Variants in ZNF665 observed in about 807,000 individuals in gnomAD.
The protein encoded by ZNF665 is zinc finger protein 665.
In ZNF665, 6 loss-of-function variants were observed where a neutral mutation model predicts 7.9. That is an observed-to-expected ratio of 0.76 (90% CI 0.42 to 1.50). The LOEUF (loss-of-function observed/expected upper bound fraction) is 1.50. ZNF665 is among the 40% of genes most tolerant of loss of function. The probability of loss-of-function intolerance (pLI) is 0.01; values close to 1 mark genes in which losing one functional copy is unlikely to be tolerated. For missense variants in ZNF665, 819 were observed against 806.7 expected, an observed-to-expected ratio of 1.02 and a Z score of -0.18; for synonymous variants, 242 against 274.5, an observed-to-expected ratio of 0.88 and a Z score of 1.17.
chr19:53,174,785 A>G (rs1458352675), intron 3 of ZNF665, among the ~76,000 whole-genome samples: 1 of 151,944 alleles, frequency 6.6e-6, no homozygotes, highest in Non-Finnish European at 1.5e-5. Context: ...TTAAAAATAC[A>G]AAAATTAGCT....
At position 53,184,481 on chromosome 19, in the gene ZNF665, G is replaced by A. The variant is rs2090761923; in HGVS notation, c.-45-1538C>T. Among the ~76,000 whole-genome samples, 3 of 152,126 alleles carry A rather than the reference G, an allele frequency of 2.0e-5. No individual in the cohort carries two copies. In the South Asian group the frequency reaches 6.2e-4, roughly 32 times the overall value. ...ACCCTTTTGGACATACGAAGGTGGA[G>A]ATGCCTGTTCCACCTCCCAGCAGAG... On this transcript the variant is annotated intron_variant, in intron 1 of 3. Coordinates refer to ENST00000396424, the MANE Select transcript of ZNF665 (RefSeq NM_024733.5).
intron 2 of ZNF665, chr19:53,179,714 C>T (rs2090724495): frequency 6.6e-6 from 1 of 152,118 alleles, no homozygotes; most frequent in Non-Finnish European, 1.5e-5. Context: ...AAATCCAACC[C>T]AAAGAAGGGT....
intron 1 of ZNF665, among the ~76,000 whole-genome samples, chr19:53,189,931 T>C (rs915398626): frequency 6.6e-6 from 1 of 152,136 alleles, no homozygotes; most frequent in Non-Finnish European, 1.5e-5. Context: ...TGTCCGGGCA[T>C]AACAGAAGGC....
At chr19:53,181,498 G>A (rs569570160) in intron 2 of ZNF665, 1 of 151,924 alleles carries the variant, frequency 6.6e-6, no homozygotes, top group African/African-American at 2.4e-5. Context: ...CCTGAGCTGA[G>A]ACCAAGAAAA....
chr19:53,165,558 A>G lies in ZNF665; in HGVS notation c.932T>C (p.Ile311Thr). The G allele has an allele frequency of 1.9e-6, 3 of 1,614,128 alleles. No individual in the cohort carries two copies. The highest frequency in any genetic ancestry group is 2.5e-6 in the Non-Finnish European group (3 of 1,180,022). ...CTTGTAAGGCTTCTCCCCAGTATGA[A>G]TTCTTCGATGACTTGCAAGGTGTGA... ...QNSHLASHRRIHTGEKPYKCN... is the reference protein window; with the variant it reads ...QNSHLASHRRTHTGEKPYKCN... Residue 311 changes from isoleucine to threonine, a missense_variant, in exon 4 of 4, where the codon ATT becomes ACT. Coordinates refer to ENST00000396424, the MANE Select transcript of ZNF665 (RefSeq NM_024733.5).
At chr19:53,182,280 AG>A (rs1230732136) in intron 2 of ZNF665, 6 of 175,480 alleles carry the variant, frequency 3.4e-5, no homozygotes, top group Non-Finnish European at 4.9e-5. Context: ...CCATGGCCAG[AG>A]AATCACTTGA....
intron 1 of ZNF665, 21 bp from the exon 2 acceptor site, chr19:53,182,964 C>T (rs2090749507): frequency 6.3e-7 from 1 of 1,591,652 alleles, no homozygotes; most frequent in Non-Finnish European, 8.6e-7. Flanking sequence ...ATGAAAGAGA[C>T]TTTAGAATTC....
In ZNF665 at chr19:53,163,862, T is replaced by C. The variant is rs1443321076; in HGVS notation, c.*591A>G. 1 of 152,210 alleles carries C rather than the reference T, an allele frequency of 6.6e-6. No individual in the cohort carries two copies. The highest frequency in any genetic ancestry group is 1.5e-5 in the Non-Finnish European group (1 of 68,076). The allele number at this position is 152,210 out of a possible 1,614,324, so 9.4% of individuals were successfully genotyped here. A position where few individuals can be genotyped will look rare whatever the true frequency, so the allele number is the denominator to read the frequency against. On this transcript the variant is annotated 3_prime_UTR_variant, in exon 4 of 4. Transcript: ENST00000396424. ...TATGAATCCTCACCTACAGTTGTGG[T>C]CCAGGAGTAATAGTCTCAGCATGCA... is the stretch of plus-strand genomic sequence containing the variant.
intron 3 of ZNF665, among the ~76,000 whole-genome samples, chr19:53,168,963 C>G (rs959528132): frequency 6.6e-6 from 1 of 151,928 alleles, no homozygotes; most frequent in East Asian, 1.9e-4. Flanking sequence ...AGATGAAAAC[C>G]TAATGTAAAA....
At chr19:53,176,006 C>G (rs1474708133) in intron 2 of ZNF665, among the ~76,000 whole-genome samples, 4 of 151,974 alleles carry the variant, frequency 2.6e-5, no homozygotes, top group Non-Finnish European at 5.9e-5. Flanking sequence ...ACTAAAAATA[C>G]AAAAATTAGC....
intron 2 of ZNF665, 182 bp downstream of exon 2, chr19:53,182,702 C>A: frequency 8.3e-7 from 1 of 1,198,260 alleles, no homozygotes; most frequent in African/African-American, 1.5e-5. Flanking sequence ...TTCCCAAGTT[C>A]ATGTCACTGG....
rs146358979 is a variant in ZNF665, at chr19:53,192,210, C to T, written c.-46+1102G>A. Reference sequence around the variant, plus strand: ...TCCATCTATTTCTGCCTCTTTCTTCCCTTATCTCTGCTCTCCCTGTTAAAT... The same window carrying T: ...TCCATCTATTTCTGCCTCTTTCTTCTCTTATCTCTGCTCTCCCTGTTAAAT... On this transcript the variant is annotated intron_variant, in intron 1 of 3. Transcript: ENST00000396424. Among the ~76,000 whole-genome samples, 755 of 152,150 alleles carry T rather than the reference C, an allele frequency of 5.0e-3. 14 individuals carry two copies. The highest frequency in any genetic ancestry group is 0.018 in the African/African-American group (737 of 41,514).
intron 2 of ZNF665, 123 bp downstream of exon 2, chr19:53,182,761 A>C: frequency 6.7e-7 from 1 of 1,496,474 alleles, no homozygotes; most frequent in Non-Finnish European, 9.3e-7. Flanking sequence ...GAGGGAAGGC[A>C]CGAGTGAGTG....
Position 53,164,331 on chromosome 19 carries a change from T to G in ZNF665, c.*122A>C. The stretch of plus-strand genomic sequence containing the variant: ...TTTTGTATTTTTAGTAGAGACAGCG[T>G]TTCACCGTGTTGGCCAGCCTGGTCT... On this transcript the variant is annotated 3_prime_UTR_variant, in exon 4 of 4. Coordinates refer to ENST00000396424, the MANE Select transcript of ZNF665 (RefSeq NM_024733.5). 1 of 750,638 alleles carries G rather than the reference T, an allele frequency of 1.3e-6. No homozygotes were observed. Among genetic ancestry groups the G allele is most frequent in the Non-Finnish European group, 2.1e-6 (1 of 483,062 alleles). The allele number at this position is 750,638 out of a possible 1,614,324, so 46.5% of individuals were successfully genotyped here.
chr19:53,165,148 G>A lies in ZNF665; in HGVS notation c.1342C>T (p.His448Tyr). 6.2e-7 allele frequency: 1 copy of A among 1,614,074 alleles called. No homozygotes were observed. Among genetic ancestry groups the A allele is most frequent in the Non-Finnish European group, 8.5e-7 (1 of 1,180,014 alleles). The change falls in exon 4 of 4, where the codon CAT (histidine) becomes TAT (tyrosine). Residue 448 changes from histidine (H) to tyrosine (Y), a missense_variant. Physicochemically the swap from His to Tyr is moderately conservative, Grantham distance 83. Coordinates refer to ENST00000396424, the MANE Select transcript of ZNF665 (RefSeq NM_024733.5). Reference sequence around the variant, plus strand: ...TTTTCTCCAGTATGAATTGCCTGATGGGTAGTTAGGCTTGATCGCACACTA... The same window carrying A: ...TTTTCTCCAGTATGAATTGCCTGATAGGTAGTTAGGCTTGATCGCACACTA... ...AFSVRSSLTT[H>Y]QAIHTGEKPY...
At chr19:53,183,273 T>C (rs953232396) in intron 1 of ZNF665, among the ~76,000 whole-genome samples, 5 of 152,134 alleles carry the variant, frequency 3.3e-5, no homozygotes, top group African/African-American at 1.2e-4. Flanking sequence ...CCAAACCCCA[T>C]GCTGAGCACA....
At chr19:53,176,936 A>G (rs537800277) in intron 2 of ZNF665, among the ~76,000 whole-genome samples, 1 of 152,252 alleles carries the variant, frequency 6.6e-6, no homozygotes, top group Non-Finnish European at 1.5e-5. Flanking sequence ...CCTGGCCAAC[A>G]TGGCAAAACC....
At chr19:53,177,935 G>A (rs935719540) in intron 2 of ZNF665, among the ~76,000 whole-genome samples, 2 of 152,186 alleles carry the variant, frequency 1.3e-5, no homozygotes, top group Non-Finnish European at 2.9e-5. Context: ...AAATGACAGA[G>A]CAAGTACCTG....
chr19:53,192,334 A>G (rs4803059), intron 1 of ZNF665, among the ~76,000 whole-genome samples: 126,074 of 151,796 alleles, frequency 0.83, 53,256 homozygotes, highest in Non-Finnish European at 0.9. Flanking sequence ...CCTTGTCACC[A>G]GCTGCCCCTT....
Sources: gnomAD v4.1 joint callset for allele counts (sites outside exome capture counted in the v4.1 genomes callset) on GRCh38, gnomAD v4.1.1 for gene constraint, MANE v1.5 for transcripts, NCBI Gene and HGNC (gene_info 2026-07-23, HGNC 2026-07-21) for gene names.